The following HMGCL variants were observed in gnomAD, a reference collection of about 807,000 sequenced individuals.
The protein encoded by HMGCL is 3-hydroxy-3-methylglutaryl-CoA lyase.
A neutral mutation model predicts 37.3 loss-of-function variants in HMGCL; 26 were observed. That is an observed-to-expected ratio of 0.70 (90% CI 0.51 to 0.97). The LOEUF (loss-of-function observed/expected upper bound fraction) is 0.97, where lower values mean the gene tolerates loss of function less well. Among genes scored for constraint, HMGCL ranks in the 50% least tolerant of loss-of-function variants. HMGCL has a pLI of 0.00. For missense variants in HMGCL, 379 were observed against 398.1 expected, an observed-to-expected ratio of 0.95 and a Z score of 0.41; for synonymous variants, 151 against 148.0, an observed-to-expected ratio of 1.02 and a Z score of -0.15.
At chr1:23,812,273 G>A (rs575592448) in intron 5 of HMGCL, among the ~76,000 whole-genome samples, 1 of 152,336 alleles carries the variant, frequency 6.6e-6, no homozygotes, top group East Asian at 1.9e-4. Context: ...TGAAGGACTG[G>A]AGCAGCTTCT....
At chr1:23,804,105 T>C in intron 8 of HMGCL, 1 of 418,040 alleles carries the variant, frequency 2.4e-6, no homozygotes, top group Non-Finnish European at 4.5e-6. Context: ...CCAACACCCT[T>C]CCCCTCTTTT....
intron 5 of HMGCL, 99 bp from the exon 6 acceptor site, chr1:23,810,898 A>G: frequency 1.1e-6 from 1 of 903,668 alleles, no homozygotes; most frequent in African/African-American, 1.6e-5. Flanking sequence ...ATCAGTGTGC[A>G]ATCAACACCT....
chr1:23,822,781 C>T (rs1166949146), intron 1 of HMGCL, among the ~76,000 whole-genome samples: 2 of 152,216 alleles, frequency 1.3e-5, no homozygotes, highest in African/African-American at 4.8e-5. Flanking sequence ...ACATAAGTTT[C>T]ATGAGACAGG....
At chr1:23,805,728 C>T (rs1638395754) in intron 7 of HMGCL, among the ~76,000 whole-genome samples, 1 of 152,170 alleles carries the variant, frequency 6.6e-6, no homozygotes, top group Admixed American at 6.5e-5. Flanking sequence ...CCTCAGACAG[C>T]TTCTCTATCT....
Position 23,810,788 on chromosome 1 carries a change from C to A in HMGCL, c.509G>T (p.Cys170Phe), listed in dbSNP as rs193215940. ...ANISVRGYVS[C>F]ALGCPYEGKI... ...CCCTTCATAAGGGCAGCCAAGAGCA[C>A]AGGAGACGTACCTGTGGGAAGACAG... The change falls in exon 6 of 9, where the codon TGT becomes TTT. Residue 170 changes from cysteine to phenylalanine, a missense_variant. Coordinates refer to ENST00000374490, the MANE Select transcript of HMGCL (RefSeq NM_000191.3). 1.9e-6 allele frequency: 3 copies of A among 1,613,920 alleles called. No homozygotes were observed. Among genetic ancestry groups the A allele is most frequent in the East Asian group, 4.5e-5 (2 of 44,872 alleles).
In HMGCL at chr1:23,817,575, T is replaced by C. The variant is rs945207802; in HGVS notation, c.153A>G (p.Val51=). The change falls in exon 3 of 9, where the codon GTA becomes GTG. Residue 51 remains valine (V), a synonymous_variant. Transcript: ENST00000374490. ...TCAGCTTGATTTTCACTGGAGTAGA[T>C]ACGATATTCTATAGTGGAGAGAGAA... is the stretch of plus-strand genomic sequence containing the variant. The part of the protein sequence containing the change: ...RDGLQNEKNI[V]STPVKIKLID... The C allele has an allele frequency of 1.9e-6, 3 of 1,599,844 alleles. No homozygotes were observed. In the African/African-American group the frequency reaches 4.0e-5, roughly 21 times the overall value.
In HMGCL at chr1:23,825,425, G is replaced by A. The variant is rs1235784813; in HGVS notation, c.-10C>T. On this transcript the variant is annotated 5_prime_UTR_variant, in exon 1 of 9. Transcript: ENST00000374490. ...TCCTCATTGCTGCCATCTTGGCCCA[G>A]AATCCCCCGCGGCAGTCCAGCTGGG... The A allele has an allele frequency of 6.4e-7, 1 of 1,553,800 alleles. No individual in the cohort carries two copies. Among genetic ancestry groups the A allele is most frequent in the East Asian group, 2.4e-5 (1 of 41,078 alleles).
At chr1:23,822,913 C>T (rs534437143) in intron 1 of HMGCL, among the ~76,000 whole-genome samples, 1 of 152,246 alleles carries the variant, frequency 6.6e-6, no homozygotes, top group East Asian at 1.9e-4. Flanking sequence ...TGGTGGCTCA[C>T]GCCTGTAATC....
At chr1:23,823,701 T>G (rs773111824) in intron 1 of HMGCL, among the ~76,000 whole-genome samples, 10 of 151,824 alleles carry the variant, frequency 6.6e-5, no homozygotes, top group Non-Finnish European at 1.2e-4. Context: ...TCTTATCAGG[T>G]AGGAACTATC....
chr1:23,811,233 G>C (rs1486387163), intron 5 of HMGCL, among the ~76,000 whole-genome samples: 1 of 152,182 alleles, frequency 6.6e-6, no homozygotes, highest in Non-Finnish European at 1.5e-5. Flanking sequence ...TCAGTAACAG[G>C]CTGGGCTGGC....
intron 5 of HMGCL, among the ~76,000 whole-genome samples, 157 bp from the exon 6 acceptor site, chr1:23,810,956 G>C (rs141747274): frequency 3.9e-5 from 6 of 152,270 alleles, no homozygotes; most frequent in African/African-American, 1.4e-4. Flanking sequence ...AGTGCCAGGA[G>C]GAGGCAGTAG....
intron 5 of HMGCL, 152 bp downstream of exon 5, chr1:23,814,038 A>T: frequency 2.4e-6 from 2 of 838,278 alleles, no homozygotes; most frequent in South Asian, 2.8e-5. Flanking sequence ...ATTTCTTCTG[A>T]CCACACTTAT....
intron 2 of HMGCL, among the ~76,000 whole-genome samples, chr1:23,818,439 A>T (rs2148424702): frequency 6.6e-6 from 1 of 152,190 alleles, no homozygotes; most frequent in Non-Finnish European, 1.5e-5. Flanking sequence ...ACAGAGCAAG[A>T]CCCTGTCTCA....
At chr1:23,804,201 C>T in intron 8 of HMGCL, 199 bp downstream of exon 8, 1 of 660,956 alleles carries the variant, frequency 1.5e-6, no homozygotes. Context: ...GCCTCAAACT[C>T]CTGGGCTCAA....
At chr1:23,807,915 T>C (rs1340122484) in intron 7 of HMGCL, among the ~76,000 whole-genome samples, 1 of 152,196 alleles carries the variant, frequency 6.6e-6, no homozygotes. Context: ...TCATGGCATC[T>C]GTCATAATGC....
chr1:23,822,037 A>G (rs1252142278), intron 1 of HMGCL, among the ~76,000 whole-genome samples: 1 of 152,200 alleles, frequency 6.6e-6, no homozygotes, highest in Non-Finnish European at 1.5e-5. Context: ...CCAGTAGAAC[A>G]TAAGCTCTTT....
At chr1:23,803,280 C>A (rs1638327264) in intron 8 of HMGCL, among the ~76,000 whole-genome samples, 1 of 152,140 alleles carries the variant, frequency 6.6e-6, no homozygotes, top group Non-Finnish European at 1.5e-5. Flanking sequence ...TGGCTCACTG[C>A]AACCTCTGAC....
intron 1 of HMGCL, among the ~76,000 whole-genome samples, chr1:23,821,690 C>T (rs1349778284): frequency 1.3e-5 from 2 of 151,960 alleles, no homozygotes; most frequent in Admixed American, 6.6e-5. Flanking sequence ...CTATATGTCA[C>T]TTGATGCTTT....
Position 23,819,749 on chromosome 1 carries a change from A to G in HMGCL, c.144+761T>C, listed in dbSNP as rs111609531. On this transcript the variant is annotated intron_variant, in intron 2 of 8. Coordinates refer to ENST00000374490, the MANE Select transcript of HMGCL (RefSeq NM_000191.3). ...ATCTCCCAAAAACACACACACACACACGCGCGCGTGCGTACGCGCACATGC... is the reference window on the plus strand; with the variant it reads ...ATCTCCCAAAAACACACACACACACGCGCGCGCGTGCGTACGCGCACATGC... Among the ~76,000 whole-genome samples the G allele has an allele frequency of 5.0e-3, 754 of 151,400 alleles. 14 individuals carry two copies. Among genetic ancestry groups the G allele is most frequent in the Middle Eastern group, 6.8e-3 (2 of 294 alleles).
Sources: gnomAD v4.1 joint callset for allele counts (sites outside exome capture counted in the v4.1 genomes callset) on GRCh38, gnomAD v4.1.1 for gene constraint, MANE v1.5 for transcripts, NCBI Gene and HGNC (gene_info 2026-07-23, HGNC 2026-07-21) for gene names.